Variants in L3MBTL4 observed in about 807,000 individuals in gnomAD.
L3MBTL4 encodes the protein lethal(3)malignant brain tumor-like protein 4.
L3MBTL4 carries 70 observed loss-of-function variants against 84.5 expected under a neutral mutation model. The observed-to-expected ratio is 0.83, with a 90% confidence interval of 0.68 to 1.01. The LOEUF (loss-of-function observed/expected upper bound fraction) is 1.01, where lower values mean the gene tolerates loss of function less well. Among genes scored for constraint, L3MBTL4 ranks in the 50% least tolerant of loss-of-function variants. L3MBTL4 has a pLI of 0.00. For synonymous variants in L3MBTL4, 274 were observed against 259.8 expected (o/e 1.05, Z -0.52); for missense variants, 715 against 754.8 (o/e 0.95, Z 0.62).
At chr18:6,346,103 AATAT>A (rs34294575) in intron 1 of L3MBTL4, among the ~76,000 whole-genome samples, 5,817 of 129,766 alleles carry the variant, frequency 0.045, 138 homozygotes, top group Middle Eastern at 0.075. Flanking sequence ...ATGATGTTGG[AATAT>A]ATATATATAT....
At chr18:6,290,201 G>A (rs2049792533) in intron 4 of L3MBTL4, among the ~76,000 whole-genome samples, 1 of 151,912 alleles carries the variant, frequency 6.6e-6, no homozygotes, top group Non-Finnish European at 1.5e-5. Context: ...CAGGCATGAG[G>A]TGCCGTGCCC....
chr18:5,983,287 C>T (rs561788425), intron 16 of L3MBTL4, among the ~76,000 whole-genome samples: 94 of 152,296 alleles, frequency 6.2e-4, no homozygotes, highest in African/African-American at 2.2e-3. Context: ...CTTTCTACTT[C>T]AGGAATAGCC....
intron 1 of L3MBTL4, among the ~76,000 whole-genome samples, chr18:6,368,044 C>T (rs2054007137): frequency 6.6e-6 from 1 of 151,908 alleles, no homozygotes; most frequent in African/African-American, 2.4e-5. Context: ...TGAGGGATAC[C>T]AAGCCAGCAT....
chr18:6,407,365 C>T (rs935816805), intron 1 of L3MBTL4, among the ~76,000 whole-genome samples: 8 of 152,090 alleles, frequency 5.3e-5, no homozygotes, highest in Non-Finnish European at 1.0e-4. Flanking sequence ...GGAATAAAAT[C>T]ACAGCAACCT....
chr18:6,105,650 A>G (rs552617606), intron 14 of L3MBTL4, among the ~76,000 whole-genome samples: 7 of 151,858 alleles, frequency 4.6e-5, no homozygotes, highest in African/African-American at 1.7e-4. Flanking sequence ...AATACAAAAA[A>G]TTAGCCAGGA....
chr18:6,039,128 A>G (rs2145693278), intron 16 of L3MBTL4, among the ~76,000 whole-genome samples: 1 of 152,182 alleles, frequency 6.6e-6, no homozygotes, highest in East Asian at 1.9e-4. Context: ...ACAAGCCAAG[A>G]GAAGAGGCCC....
chr18:5,995,623 C>T (rs4644934), intron 16 of L3MBTL4, among the ~76,000 whole-genome samples: 72,310 of 151,988 alleles, frequency 0.48, 17,853 homozygotes, highest in East Asian at 0.62. Context: ...AATGAGCCTT[C>T]GCACTTCTGG....
At chr18:6,274,142 A>G (rs993694512) in intron 4 of L3MBTL4, among the ~76,000 whole-genome samples, 1 of 152,240 alleles carries the variant, frequency 6.6e-6, no homozygotes, top group East Asian at 1.9e-4. Context: ...ACCATGTTAC[A>G]TGCCTTAAAG....
chr18:6,122,777 A>C (rs2059571567), intron 14 of L3MBTL4, among the ~76,000 whole-genome samples: 1 of 152,262 alleles, frequency 6.6e-6, no homozygotes, highest in African/African-American at 2.4e-5. Flanking sequence ...TCTTTAAAGA[A>C]TGGTGTTTAT....
chr18:6,130,180 G>C (rs1176420146), intron 14 of L3MBTL4, among the ~76,000 whole-genome samples: 1 of 152,156 alleles, frequency 6.6e-6, no homozygotes, highest in Non-Finnish European at 1.5e-5. Context: ...ATACTGCAGA[G>C]TGAGCGGTCA....
chr18:6,031,177 C>G, intron 16 of L3MBTL4: 5 of 985,420 alleles, frequency 5.1e-6, no homozygotes, highest in Non-Finnish European at 6.0e-6. Flanking sequence ...TCTCCCTCCT[C>G]CCCCGTGGGA....
intron 4 of L3MBTL4, among the ~76,000 whole-genome samples, chr18:6,270,614 C>A (rs1039765637): frequency 2.6e-5 from 4 of 152,136 alleles, no homozygotes; most frequent in Admixed American, 2.6e-4. Context: ...CTCTTTGAGA[C>A]GAAGAGAAAT....
chr18:6,029,651 C>G (rs1224425757), intron 16 of L3MBTL4: 1 of 985,076 alleles, frequency 1.0e-6, no homozygotes. Flanking sequence ...AATTACAGGA[C>G]AGGAAATATT....
chr18:6,295,397 G>A (rs761751885), intron 4 of L3MBTL4, among the ~76,000 whole-genome samples: 1 of 129,762 alleles, frequency 7.7e-6, no homozygotes, highest in Non-Finnish European at 1.6e-5. Context: ...ACAAGCACTT[G>A]GCCTATCTTT....
At position 5,991,925 on chromosome 18, in the gene L3MBTL4, G is replaced by A. The variant is rs570971649; in HGVS notation, c.1445-22363C>T. Among the ~76,000 whole-genome samples the A allele has an allele frequency of 3.1e-4, 47 of 151,862 alleles. No homozygotes were observed. In the South Asian group the frequency reaches 6.7e-3, roughly 22 times the overall value. ...TTCTCCTCTTCCCCCAACTCTCACC[G>A]AGAAACCTCTATTGTGTAGCCCTGG... On this transcript the variant is annotated intron_variant, in intron 16 of 18. Coordinates refer to ENST00000317931, the MANE Select transcript of L3MBTL4 (RefSeq NM_001330559.2).
intron 10 of L3MBTL4, among the ~76,000 whole-genome samples, chr18:6,220,746 A>C (rs2046517374): frequency 6.6e-6 from 1 of 152,232 alleles, no homozygotes; most frequent in Non-Finnish European, 1.5e-5. Flanking sequence ...TGAATGAATA[A>C]AATATATTTC....
intron 16 of L3MBTL4, among the ~76,000 whole-genome samples, chr18:6,007,539 G>A (rs2054546020): frequency 6.6e-6 from 1 of 152,096 alleles, no homozygotes; most frequent in Non-Finnish European, 1.5e-5. Context: ...ATGTATGTTG[G>A]GTGATTGGTT....
At chr18:6,071,886 G>T (rs2057671433) in intron 16 of L3MBTL4, among the ~76,000 whole-genome samples, 1 of 151,848 alleles carries the variant, frequency 6.6e-6, no homozygotes, top group African/African-American at 2.4e-5. Flanking sequence ...AAGGAAGGAA[G>T]AAAGATTGTT....
chr18:6,082,178 T>C (rs2058100348), intron 15 of L3MBTL4, among the ~76,000 whole-genome samples: 1 of 152,120 alleles, frequency 6.6e-6, no homozygotes, highest in Admixed American at 6.6e-5. Context: ...ACTAGTGAAA[T>C]AGTATGTTAA....
Sources: gnomAD v4.1 joint callset for allele counts (sites outside exome capture counted in the v4.1 genomes callset) on GRCh38, gnomAD v4.1.1 for gene constraint, MANE v1.5 for transcripts, NCBI Gene and HGNC (gene_info 2026-07-23, HGNC 2026-07-21) for gene names.